Variants in PLCXD3 observed in about 807,000 individuals in gnomAD.
PLCXD3 encodes PI-PLC X domain-containing protein 3.
Under a neutral mutation model 25.5 loss-of-function variants are expected in PLCXD3, and 19 were observed. The observed-to-expected ratio is 0.75, with a 90% CI of 0.52 to 1.09. The LOEUF is 1.09. PLCXD3 is among the 50% of genes least tolerant of loss of function. PLCXD3 has a pLI of 0.00. For synonymous variants in PLCXD3, 174 were observed against 137.6 expected, an observed-to-expected ratio of 1.26 and a Z score of -1.85; for missense variants, 411 against 388.1, an observed-to-expected ratio of 1.06 and a Z score of -0.50.
chr5:41,378,442 G>A (rs374049172), intron 2 of PLCXD3, among the ~76,000 whole-genome samples: 7 of 152,140 alleles, frequency 4.6e-5, no homozygotes, highest in African/African-American at 1.7e-4. Flanking sequence ...ATCCTATAGA[G>A]GAAAGAATTA....
intron 1 of PLCXD3, among the ~76,000 whole-genome samples, chr5:41,476,574 T>C (rs907738229): frequency 1.3e-5 from 2 of 152,230 alleles, no homozygotes; most frequent in Non-Finnish European, 2.9e-5. Context: ...AAACATGTTC[T>C]ATGTGACTCC....
At chr5:41,393,621 G>C (rs1745904276) in intron 1 of PLCXD3, among the ~76,000 whole-genome samples, 1 of 151,956 alleles carries the variant, frequency 6.6e-6, no homozygotes, top group Admixed American at 6.6e-5. Context: ...TCACCTGAAG[G>C]TACAAAACTC....
chr5:41,497,990 T>G (rs1468005606), intron 1 of PLCXD3, among the ~76,000 whole-genome samples: 3 of 151,458 alleles, frequency 2.0e-5, no homozygotes, highest in Non-Finnish European at 3.0e-5. Flanking sequence ...AAAATTATCT[T>G]GAGACAAAAA....
chr5:41,386,755 C>T (rs1417519642), intron 1 of PLCXD3, among the ~76,000 whole-genome samples: 1 of 151,988 alleles, frequency 6.6e-6, no homozygotes. Flanking sequence ...GTGGTATAAA[C>T]ATCAATTTAA....
chr5:41,491,403 A>T (rs1220731160), intron 1 of PLCXD3, among the ~76,000 whole-genome samples: 7 of 152,198 alleles, frequency 4.6e-5, no homozygotes, highest in Non-Finnish European at 1.0e-4. Context: ...AAAAGAATGT[A>T]TATTCTGTTG....
intron 1 of PLCXD3, among the ~76,000 whole-genome samples, chr5:41,487,344 A>T (rs1005393987): frequency 6.6e-6 from 1 of 152,164 alleles, no homozygotes; most frequent in Non-Finnish European, 1.5e-5. Context: ...AGCTCACTTG[A>T]CTACTCTTTT....
At chr5:41,468,722 GT>G (rs1748081372) in intron 1 of PLCXD3, among the ~76,000 whole-genome samples, 1 of 151,982 alleles carries the variant, frequency 6.6e-6, no homozygotes, top group Non-Finnish European at 1.5e-5. Context: ...TTGATTCTAT[GT>G]CCTGTAACTT....
intron 1 of PLCXD3, among the ~76,000 whole-genome samples, chr5:41,420,013 C>T (rs1389694923): frequency 6.6e-6 from 1 of 152,142 alleles, no homozygotes; most frequent in Non-Finnish European, 1.5e-5. Flanking sequence ...CATAATTACT[C>T]ATCTATTTTT....
chr5:41,385,894 A>G (rs1051247587), intron 1 of PLCXD3, among the ~76,000 whole-genome samples: 1 of 152,124 alleles, frequency 6.6e-6, no homozygotes, highest in African/African-American at 2.4e-5. Flanking sequence ...TTAACAGCCA[A>G]TGAGTAAGCT....
At chr5:41,481,122 A>G (rs1300780977) in intron 1 of PLCXD3, among the ~76,000 whole-genome samples, 1 of 150,768 alleles carries the variant, frequency 6.6e-6, no homozygotes, top group African/African-American at 2.4e-5. Context: ...AAAAAAAAAA[A>G]AAAAAGAAAG....
intron 1 of PLCXD3, among the ~76,000 whole-genome samples, chr5:41,457,980 G>GA (rs935064716): frequency 6.6e-6 from 1 of 151,680 alleles, no homozygotes; most frequent in Non-Finnish European, 1.5e-5. Flanking sequence ...TGGGGACAAA[G>GA]AAAAAAATAG....
intron 1 of PLCXD3, among the ~76,000 whole-genome samples, chr5:41,493,644 A>C (rs1417747248): frequency 2.0e-5 from 3 of 151,724 alleles, no homozygotes; most frequent in Non-Finnish European, 4.4e-5. Context: ...AATGGTGGGC[A>C]CCCCTCCCCC....
At chr5:41,338,939 C>A (rs772737709) in intron 2 of PLCXD3, among the ~76,000 whole-genome samples, 67 of 152,076 alleles carry the variant, frequency 4.4e-4, no homozygotes, top group Non-Finnish European at 1.9e-4. Flanking sequence ...CAGAGTATTT[C>A]CGCCCTCATT....
intron 2 of PLCXD3, among the ~76,000 whole-genome samples, chr5:41,353,166 C>T (rs1561242469): frequency 6.6e-6 from 1 of 150,890 alleles, no homozygotes; most frequent in Non-Finnish European, 1.5e-5. Flanking sequence ...GATCTCCGCT[C>T]ACTGCAAGCT....
intron 1 of PLCXD3, among the ~76,000 whole-genome samples, chr5:41,482,269 A>C (rs1748429795): frequency 6.6e-6 from 1 of 152,118 alleles, no homozygotes. Context: ...CTCACTGTTT[A>C]GTGTGTAATT....
At chr5:41,436,426 A>G (rs1236966674) in intron 1 of PLCXD3, among the ~76,000 whole-genome samples, 1 of 152,190 alleles carries the variant, frequency 6.6e-6, no homozygotes, top group Non-Finnish European at 1.5e-5. Flanking sequence ...ATCTCCAGGC[A>G]GATACTGTTG....
chr5:41,341,315 C>T (rs1346084428), intron 2 of PLCXD3, among the ~76,000 whole-genome samples: 1 of 152,178 alleles, frequency 6.6e-6, no homozygotes, highest in Non-Finnish European at 1.5e-5. Context: ...CGAAGTCATT[C>T]TTGAAACCAA....
intron 1 of PLCXD3, among the ~76,000 whole-genome samples, chr5:41,491,990 G>A (rs1179623355): frequency 1.3e-5 from 2 of 152,192 alleles, no homozygotes; most frequent in Non-Finnish European, 2.9e-5. Flanking sequence ...ATGTTAGCTG[G>A]TTATTTTGCT....
At chr5:41,380,298 T>C (rs536314196) in intron 2 of PLCXD3, among the ~76,000 whole-genome samples, 4 of 152,104 alleles carry the variant, frequency 2.6e-5, no homozygotes, top group African/African-American at 9.7e-5. Flanking sequence ...AGCCAACTAG[T>C]CACTGAATCA....
Sources: gnomAD v4.1 joint callset for allele counts (sites outside exome capture counted in the v4.1 genomes callset) on GRCh38, gnomAD v4.1.1 for gene constraint, MANE v1.5 for transcripts, NCBI Gene and HGNC (gene_info 2026-07-23, HGNC 2026-07-21) for gene names.